The following DSCAM variants were observed in gnomAD, a reference collection of about 807,000 sequenced individuals.
The protein encoded by DSCAM is DS cell adhesion molecule.
In DSCAM, 47 loss-of-function variants were observed where a neutral mutation model predicts 217.7. That is an observed-to-expected ratio of 0.22 (90% confidence interval 0.17 to 0.28). The LOEUF (loss-of-function observed/expected upper bound fraction) is 0.28, where lower values mean the gene tolerates loss of function less well. Ranked by LOEUF, DSCAM falls within the 10% of genes least tolerant of loss-of-function variation. The pLI, the probability that DSCAM is intolerant of heterozygous loss-of-function variation, is 1.00. For missense variants in DSCAM, 2,080 were observed against 2,618.3 expected, an observed-to-expected ratio of 0.79 and a Z score of 4.49; for synonymous variants, 1,056 against 1,015.3, an observed-to-expected ratio of 1.04 and a Z score of -0.76.
chr21:40,643,995 G>T (rs1846255759), intron 3 of DSCAM, among the ~76,000 whole-genome samples: 1 of 152,150 alleles, frequency 6.6e-6, no homozygotes, highest in Non-Finnish European at 1.5e-5. Flanking sequence ...AGACCAGCAG[G>T]CTCACCATGC....
intron 1 of DSCAM, among the ~76,000 whole-genome samples, chr21:40,819,796 C>T (rs2091911316): frequency 6.6e-6 from 1 of 152,164 alleles, no homozygotes; most frequent in Non-Finnish European, 1.5e-5. Flanking sequence ...TATTGTGCCT[C>T]ATTAAAGAAG....
rs145203195 is a variant in DSCAM, at chr21:40,651,134, T to C, written c.508+41676A>G. Among the ~76,000 whole-genome samples, 776 of 152,220 alleles carry C rather than the reference T, an allele frequency of 5.1e-3. 6 individuals carry two copies. The highest frequency in any genetic ancestry group is 0.017 in the Middle Eastern group (5 of 294). ...GCTTTGTGGGTGCACAGCTGAAGAT[T>C]TGCAGCTCAGGTCATTGCCTCATGA... On this transcript the variant is annotated intron_variant, in intron 3 of 32. Transcript: ENST00000400454.
intron 3 of DSCAM, among the ~76,000 whole-genome samples, chr21:40,461,405 A>G (rs1349242849): frequency 1.3e-5 from 2 of 152,194 alleles, no homozygotes; most frequent in African/African-American, 2.4e-5. Flanking sequence ...CACAGTAGGT[A>G]GCCCTGCCAC....
chr21:40,642,486 T>G (rs2089894963), intron 3 of DSCAM, among the ~76,000 whole-genome samples: 1 of 152,082 alleles, frequency 6.6e-6, no homozygotes. Context: ...AAGAGAAATT[T>G]TTCTGCCCCC....
chr21:40,101,594 C>G (rs149802151), intron 20 of DSCAM, among the ~76,000 whole-genome samples: 1 of 151,916 alleles, frequency 6.6e-6, no homozygotes, highest in East Asian at 1.9e-4. Context: ...GTCCGTAGCC[C>G]GGGGGTTGGG....
At position 40,563,565 on chromosome 21, in the gene DSCAM, TTA is replaced by T. The variant is rs994977428; in HGVS notation, c.508+129243_508+129244del. On this transcript the variant is annotated intron_variant, in intron 3 of 32. Coordinates refer to ENST00000400454, the MANE Select transcript of DSCAM (RefSeq NM_001389.5). ...TATATGTTTATATATGTTTATATGT[TTA>T]TATATAGTTATATGTTTATATGTTT... Among the ~76,000 whole-genome samples the T allele has an allele frequency of 8.7e-5, 10 of 114,728 alleles. No homozygotes were observed. The South Asian group carries it at 8.7e-4, about 10-fold the overall frequency. 75.3% of individuals were successfully genotyped at this position (114,728 alleles called of 152,430 possible).
At chr21:40,364,232 T>C (rs141771644) in intron 4 of DSCAM, among the ~76,000 whole-genome samples, 3,211 of 152,260 alleles carry the variant, frequency 0.021, 110 homozygotes, top group African/African-American at 0.072. Context: ...TGCACACGTA[T>C]GTTTATTGAG....
intron 24 of DSCAM, among the ~76,000 whole-genome samples, chr21:40,082,745 T>C (rs1462833751): frequency 1.3e-5 from 2 of 150,754 alleles, no homozygotes; most frequent in African/African-American, 4.9e-5. Context: ...GGAGTGCTGA[T>C]AAATGTTTAA....
chr21:40,749,635 T>C (rs2091208078), intron 1 of DSCAM, among the ~76,000 whole-genome samples: 1 of 152,082 alleles, frequency 6.6e-6, no homozygotes, highest in African/African-American at 2.4e-5. Context: ...AGAATGTAAA[T>C]AAGTATAGCC....
chr21:40,623,694 C>T (rs1220547715), intron 3 of DSCAM, among the ~76,000 whole-genome samples: 4 of 152,190 alleles, frequency 2.6e-5, no homozygotes, highest in Non-Finnish European at 5.9e-5. Context: ...AGAAAGGCCT[C>T]TACAAATTCA....
intron 3 of DSCAM, among the ~76,000 whole-genome samples, chr21:40,622,033 T>G (rs2146301520): frequency 6.6e-6 from 1 of 152,244 alleles, no homozygotes. Context: ...AACCACTTTT[T>G]ACATCAACTA....
rs184511696 is a variant in DSCAM, at chr21:40,067,048, A to T, written c.4889-4149T>A. On this transcript the variant is annotated intron_variant, in intron 27 of 32. Transcript: ENST00000400454. ...GTCAAAAATGCATTTAATATGCCTG[A>T]CCTACCAAACATCAGGGCTTAGCCT... Among the ~76,000 whole-genome samples, 9 of 152,334 alleles carry T rather than the reference A, an allele frequency of 5.9e-5. No individual in the cohort carries two copies. The East Asian group carries it at 1.7e-3, about 29-fold the overall frequency.
intron 10 of DSCAM, among the ~76,000 whole-genome samples, chr21:40,291,357 GC>G (rs1601522434): frequency 6.6e-6 from 1 of 152,304 alleles, no homozygotes; most frequent in East Asian, 1.9e-4. Flanking sequence ...TACCCAGCTA[GC>G]CTCCTAGCTT....
At chr21:40,835,496 T>G (rs1208069768) in intron 1 of DSCAM, among the ~76,000 whole-genome samples, 4 of 152,198 alleles carry the variant, frequency 2.6e-5, no homozygotes, top group African/African-American at 9.7e-5. Context: ...CCTGTAGTGA[T>G]GAGTAAGCAG....
chr21:40,123,281 G>A (rs2090055216), intron 20 of DSCAM, among the ~76,000 whole-genome samples: 1 of 152,078 alleles, frequency 6.6e-6, no homozygotes, highest in Non-Finnish European at 1.5e-5. Context: ...TGGTCAAGAG[G>A]GTAAGTTTTA....
chr21:40,578,392 T>C (rs867199357), intron 3 of DSCAM, among the ~76,000 whole-genome samples: 9 of 152,148 alleles, frequency 5.9e-5, no homozygotes, highest in Middle Eastern at 3.4e-3. Context: ...TAAAGGATTG[T>C]AAATGCACCA....
At position 40,700,610 on chromosome 21, in the gene DSCAM, T is replaced by C. The variant is rs926267351; in HGVS notation, c.362-7654A>G. Among the ~76,000 whole-genome samples, 8 of 152,302 alleles carry C rather than the reference T, an allele frequency of 5.3e-5. No individual in the cohort carries two copies. The South Asian group carries it at 6.2e-4, about 12-fold the overall frequency. ...CATGTATAGTCAGAAGAGATACTTG[T>C]CTTTAGTTTTCTTATGTCTTGTTTA... On this transcript the variant is annotated intron_variant, in intron 2 of 32. Coordinates refer to ENST00000400454, the MANE Select transcript of DSCAM (RefSeq NM_001389.5).
At chr21:40,475,113 C>T (rs2075922642) in intron 3 of DSCAM, among the ~76,000 whole-genome samples, 1 of 152,228 alleles carries the variant, frequency 6.6e-6, no homozygotes, top group African/African-American at 2.4e-5. Context: ...AGATGCTCCA[C>T]CCTCCTCCTT....
chr21:40,605,791 C>CTTTTTT lies in DSCAM; in HGVS notation c.508+87013_508+87018dup, dbSNP rs755767800. Among the ~76,000 whole-genome samples, 285 of 62,000 alleles carry CTTTTTT rather than the reference C, an allele frequency of 4.6e-3. 50 individuals carry two copies. The highest frequency in any genetic ancestry group is 9.4e-3 in the African/African-American group (148 of 15,822). The allele number at this position is 62,000 out of a possible 152,430, so 40.7% of individuals were successfully genotyped here. On this transcript the variant is annotated intron_variant, in intron 3 of 32. Transcript: ENST00000400454. ...CTTATATATGTGCTTAATGCACATT[C>CTTTTTT]TTTTTTTTTTTTTTTTTTTTTTTTT...
Sources: gnomAD v4.1 joint callset for allele counts (sites outside exome capture counted in the v4.1 genomes callset) on GRCh38, gnomAD v4.1.1 for gene constraint, MANE v1.5 for transcripts, NCBI Gene and HGNC (gene_info 2026-07-23, HGNC 2026-07-21) for gene names.